AKAP7: variants seen among roughly 807,000 people sequenced by gnomAD.
AKAP7 encodes the protein A kinase (PRKA) anchor protein 7.
Under a neutral mutation model 39.5 loss-of-function variants are expected in AKAP7, and 39 were observed. That is an observed-to-expected ratio of 0.99 (90% CI 0.76 to 1.29). The LOEUF is 1.29. Among genes scored for constraint, AKAP7 ranks in the 50% most tolerant of loss-of-function variants. The pLI, the probability that AKAP7 is intolerant of heterozygous loss-of-function variation, is 0.00. For synonymous variants in AKAP7, 140 were observed against 139.1 expected (o/e 1.01, Z -0.05); for missense variants, 414 against 407.7 (o/e 1.02, Z -0.13).
intron 7 of AKAP7, among the ~76,000 whole-genome samples, chr6:131,275,573 C>G (rs762946514): frequency 6.6e-6 from 1 of 152,172 alleles, no homozygotes; most frequent in African/African-American, 2.4e-5. Context: ...AGAAAAGTCT[C>G]TAAGGGGCTG....
At chr6:131,269,826 T>C (rs762785382) in intron 7 of AKAP7, among the ~76,000 whole-genome samples, 9 of 152,180 alleles carry the variant, frequency 5.9e-5, no homozygotes, top group Non-Finnish European at 7.4e-5. Context: ...TATTCCTATT[T>C]TGGTATGAAG....
At chr6:131,222,254 G>A (rs1433189648) in intron 7 of AKAP7, among the ~76,000 whole-genome samples, 4 of 152,140 alleles carry the variant, frequency 2.6e-5, no homozygotes, top group Non-Finnish European at 5.9e-5. Context: ...GGCCAGGCGC[G>A]GTGGCTCACG....
At chr6:131,210,258 T>A (rs1808520437) in intron 6 of AKAP7, among the ~76,000 whole-genome samples, 1 of 152,250 alleles carries the variant, frequency 6.6e-6, no homozygotes, top group Non-Finnish European at 1.5e-5. Context: ...AGAATAATAC[T>A]GGTTCTTCAA....
At chr6:131,182,119 C>G (rs1805317982) in intron 5 of AKAP7, among the ~76,000 whole-genome samples, 1 of 142,504 alleles carries the variant, frequency 7.0e-6, no homozygotes, top group Non-Finnish European at 1.6e-5. Context: ...GAGCAAGAGT[C>G]CGTCTGAAAA....
In AKAP7 at chr6:131,169,231, C is replaced by G. The variant is rs754859501; in HGVS notation, c.547C>G (p.Leu183Val). 1.2e-6 allele frequency: 2 copies of G among 1,614,086 alleles called. No individual in the cohort carries two copies. Among genetic ancestry groups the G allele is most frequent in the Admixed American group, 1.7e-5 (1 of 60,020 alleles). ...TGGAAATCAGGTTGGATTTGTGAAG[C>G]TGGCAGAAGGAGATCATGTAAACTC... ...TFGNQVGFVKLAEGDHVNSLL... is the reference protein window; with the variant it reads ...TFGNQVGFVKVAEGDHVNSLL... Residue 183 changes from leucine to valine, a missense_variant, in exon 5 of 8, where the codon CTG (leucine) becomes GTG (valine). Coordinates refer to ENST00000431975, the MANE Select transcript of AKAP7 (RefSeq NM_016377.4).
At chr6:131,263,286 C>G (rs1813508671) in intron 7 of AKAP7, among the ~76,000 whole-genome samples, 2 of 152,168 alleles carry the variant, frequency 1.3e-5, no homozygotes, top group African/African-American at 2.4e-5. Context: ...CTTAGGTTCC[C>G]TTGCTGGTAG....
At chr6:131,198,119 A>G (rs888117681) in intron 5 of AKAP7, among the ~76,000 whole-genome samples, 5 of 152,182 alleles carry the variant, frequency 3.3e-5, no homozygotes, top group African/African-American at 1.2e-4. Flanking sequence ...GACCCCGGAC[A>G]TGTTCCAAGA....
At chr6:131,261,681 A>G (rs1813351963) in intron 7 of AKAP7, among the ~76,000 whole-genome samples, 1 of 152,228 alleles carries the variant, frequency 6.6e-6, no homozygotes, top group African/African-American at 2.4e-5. Context: ...AATCAAGTTC[A>G]TGAAATACGC....
chr6:131,253,877 T>C (rs892524207), intron 7 of AKAP7, among the ~76,000 whole-genome samples: 8 of 152,110 alleles, frequency 5.3e-5, no homozygotes, highest in African/African-American at 1.7e-4. Context: ...CATTCATCTA[T>C]TGATGGAAAG....
intron 1 of AKAP7, among the ~76,000 whole-genome samples, chr6:131,139,842 C>G (rs1034569405): frequency 1.3e-5 from 2 of 152,162 alleles, no homozygotes; most frequent in African/African-American, 4.8e-5. Flanking sequence ...TCAAAAGTGT[C>G]CTGGTTTGGT....
At chr6:131,201,556 G>C (rs1234117532) in intron 6 of AKAP7, among the ~76,000 whole-genome samples, 1 of 152,078 alleles carries the variant, frequency 6.6e-6, no homozygotes, top group East Asian at 1.9e-4. Context: ...TGTTCACTCT[G>C]ATGGTAGTTT....
At position 131,184,929 on chromosome 6, in the gene AKAP7, C is replaced by A. The variant is rs7768991; in HGVS notation, c.590-14532C>A. 9.1e-4 allele frequency: 766 copies of A among 841,066 alleles called. 6 individuals are homozygous for A. In the African/African-American group the frequency reaches 0.01, roughly 11 times the overall value. 52.1% of individuals were successfully genotyped at this position (841,066 alleles called of 1,614,324 possible). A position where few individuals can be genotyped will look rare whatever the true frequency, so the allele number is the denominator to read the frequency against. ...CCAGCTCCTTATGGGCACTGCCACACCTTTACCCTTGGATTACCCCTTTCC... is the reference window on the plus strand; with the variant it reads ...CCAGCTCCTTATGGGCACTGCCACAACTTTACCCTTGGATTACCCCTTTCC... On this transcript the variant is annotated intron_variant, in intron 5 of 7. Transcript: ENST00000431975.
intron 7 of AKAP7, among the ~76,000 whole-genome samples, chr6:131,264,063 C>T (rs1813580420): frequency 6.6e-6 from 1 of 152,022 alleles, no homozygotes; most frequent in South Asian, 2.1e-4. Flanking sequence ...GTATCTTTTG[C>T]TCTATTTTTT....
intron 7 of AKAP7, among the ~76,000 whole-genome samples, chr6:131,249,229 T>C (rs149512050): frequency 2.5e-4 from 38 of 152,312 alleles, no homozygotes; most frequent in African/African-American, 9.1e-4. Context: ...TAAAAACAAC[T>C]GTGTTCCTTG....
chr6:131,165,209 A>T lies in AKAP7; in HGVS notation c.420A>T (p.Glu140Asp). ...LLVMQLLNED[E>D]VNIGIDALLE... ...TGATGCAATTATTAAATGAAGATGA[A>T]GTAAACATGTGAGTAATGTATCTTT... Residue 140 changes from glutamate (E) to aspartate (D), a missense_variant, in exon 4 of 8, where the codon GAA becomes GAT. Physicochemically the swap from Glu to Asp is conservative, Grantham distance 45 (BLOSUM62 2). Transcript: ENST00000431975. 4 of 1,605,156 alleles carry T rather than the reference A, an allele frequency of 2.5e-6. No individual in the cohort carries two copies. The highest frequency in any genetic ancestry group is 3.4e-6 in the Non-Finnish European group (4 of 1,175,388).
At chr6:131,199,057 AG>A (rs1421181389) in intron 5 of AKAP7, among the ~76,000 whole-genome samples, 3 of 152,210 alleles carry the variant, frequency 2.0e-5, no homozygotes, top group Non-Finnish European at 2.9e-5. Flanking sequence ...TGCTCAGGGA[AG>A]GTTTCTGCTA....
upstream of AKAP7, among the ~76,000 whole-genome samples, chr6:131,131,567 T>G (rs939218168): frequency 2.0e-5 from 3 of 151,994 alleles, no homozygotes; most frequent in Admixed American, 6.6e-5. Flanking sequence ...GTTTTATTCA[T>G]TCATTGAATG....
At chr6:131,199,675 T>G in intron 6 of AKAP7, 102 bp downstream of exon 6, 1 of 972,310 alleles carries the variant, frequency 1.0e-6, no homozygotes. Context: ...GACACTACTC[T>G]TGCTTCTGGG....
chr6:131,257,347 G>A (rs1409100484), intron 7 of AKAP7, among the ~76,000 whole-genome samples: 3 of 129,636 alleles, frequency 2.3e-5, no homozygotes, highest in African/African-American at 8.8e-5. Flanking sequence ...CAGCCTGGGT[G>A]ACAAAGTGAG....
Sources: gnomAD v4.1 joint callset for allele counts (sites outside exome capture counted in the v4.1 genomes callset) on GRCh38, gnomAD v4.1.1 for gene constraint, MANE v1.5 for transcripts, NCBI Gene and HGNC (gene_info 2026-07-23, HGNC 2026-07-21) for gene names.